Variants in HERC3 observed in about 807,000 individuals in gnomAD.
The protein encoded by HERC3 is HECT and RLD domain containing E3 ubiquitin protein ligase 3.
HERC3 carries 58 observed loss-of-function variants against 129.9 expected under a neutral mutation model. The observed-to-expected ratio is 0.45, with a 90% CI of 0.36 to 0.56. HERC3 has a LOEUF of 0.56. HERC3 is among the 20% of genes least tolerant of loss of function. The pLI, the probability that HERC3 is intolerant of heterozygous loss-of-function variation, is 0.00. For synonymous variants in HERC3, 430 were observed against 451.0 expected, an observed-to-expected ratio of 0.95 and a Z score of 0.59; for missense variants, 835 against 1,244.2, an observed-to-expected ratio of 0.67 and a Z score of 4.95.
chr4:88,658,875 G>T (rs1215320487), intron 10 of HERC3, among the ~76,000 whole-genome samples: 1 of 152,154 alleles, frequency 6.6e-6, no homozygotes, highest in African/African-American at 2.4e-5. Flanking sequence ...TTCTTTGTTT[G>T]ATGTGATTGA....
chr4:88,579,780 G>A, the HERC3 span, among the ~76,000 whole-genome samples: 5 of 152,156 alleles, frequency 3.3e-5, no homozygotes, highest in South Asian at 6.2e-4. Context: ...GAGATAAGGA[G>A]ACTATCTTGG....
At chr4:88,591,043 C>A (rs1240445561), upstream of HERC3, among the ~76,000 whole-genome samples, 1 of 152,082 alleles carries the variant, frequency 6.6e-6, no homozygotes, top group Non-Finnish European at 1.5e-5. Flanking sequence ...GCGCACACCA[C>A]CCTACTCGGC....
At chr4:88,601,507 T>C (rs1159637033) in intron 2 of HERC3, among the ~76,000 whole-genome samples, 1 of 152,244 alleles carries the variant, frequency 6.6e-6, no homozygotes, top group East Asian at 1.9e-4. Context: ...TTGACAGTTC[T>C]CTCCTGTAGA....
At position 88,617,200 on chromosome 4, in the gene HERC3, A is replaced by AAT. The variant is rs1423791287; in HGVS notation, c.226+11152_226+11153insTA. Among the ~76,000 whole-genome samples the AAT allele has an allele frequency of 1.1e-3, 158 of 145,660 alleles. 4 individuals carry two copies. Among genetic ancestry groups the AAT allele is most frequent in the Middle Eastern group, 3.6e-3 (1 of 276 alleles). ...CAAAAAAAAAAAAAAAAAAAAAAAA[A>AAT]AGAAATTGAGAACCTTCTCTGAGGA... On this transcript the variant is annotated intron_variant, in intron 3 of 25. Coordinates refer to ENST00000402738, the MANE Select transcript of HERC3 (RefSeq NM_014606.3).
intron 23 of HERC3, chr4:88,696,030 C>G (rs1418609962): frequency 6.6e-6 from 1 of 152,608 alleles, no homozygotes; most frequent in Non-Finnish European, 1.5e-5. Flanking sequence ...AGCTAAGAGT[C>G]TTTACATTAA....
At chr4:88,599,410 A>G (rs926782199) in intron 2 of HERC3, among the ~76,000 whole-genome samples, 1 of 152,044 alleles carries the variant, frequency 6.6e-6, no homozygotes. Flanking sequence ...CCAATTGAAG[A>G]TTCCATTACT....
intron 7 of HERC3, among the ~76,000 whole-genome samples, 169 bp downstream of exon 7, chr4:88,654,302 T>C (rs562334874): frequency 6.7e-6 from 1 of 148,624 alleles, no homozygotes; most frequent in East Asian, 2.0e-4. Context: ...AAAAGACTAC[T>C]TTTTTGTATG....
intron 3 of HERC3, among the ~76,000 whole-genome samples, chr4:88,620,769 C>T (rs1725426843): frequency 6.6e-6 from 1 of 152,066 alleles, no homozygotes; most frequent in Non-Finnish European, 1.5e-5. Context: ...TTCATTGGTC[C>T]CTCCTCAGAG....
the HERC3 span, among the ~76,000 whole-genome samples, chr4:88,567,811 T>C: frequency 1.3e-5 from 2 of 152,186 alleles, no homozygotes; most frequent in African/African-American, 2.4e-5. Context: ...ATTTAGTTTG[T>C]TTGGTGAGGT....
chr4:88,536,474 C>G, the HERC3 span, among the ~76,000 whole-genome samples: 2 of 152,304 alleles, frequency 1.3e-5, no homozygotes, highest in South Asian at 4.1e-4. Flanking sequence ...CTCACTCACT[C>G]ACTCTTATTA....
intron 3 of HERC3, among the ~76,000 whole-genome samples, chr4:88,606,291 G>A (rs553015484): frequency 3.4e-5 from 5 of 146,822 alleles, no homozygotes; most frequent in East Asian, 2.0e-4. Context: ...TCGCTCCGTC[G>A]CCCAGGCTTG....
the HERC3 span, among the ~76,000 whole-genome samples, chr4:88,548,793 T>C: frequency 6.6e-6 from 1 of 151,948 alleles, no homozygotes; most frequent in Non-Finnish European, 1.5e-5. Context: ...TCCAAGTAGC[T>C]GGGACTACAG....
At chr4:88,596,522 C>G (rs761294944) in intron 2 of HERC3, among the ~76,000 whole-genome samples, 2 of 152,204 alleles carry the variant, frequency 1.3e-5, no homozygotes, top group Non-Finnish European at 2.9e-5. Flanking sequence ...TTGTACTCTG[C>G]TGAGAATGGA....
chr4:88,667,975 A>G lies in HERC3; in HGVS notation c.1527A>G (p.Ile509Met). ...PDVEAMRIYL[I>M]LPEFPLLQDS... ...TTGAAGCCATGAGAATCTATTTAAT[A>G]CTACCTGAGTTTCCCCTACTCCAGG... Residue 509 changes from isoleucine (I) to methionine (M), a missense_variant, in exon 14 of 26, where the codon ATA becomes ATG. By Grantham distance (10) the Ile-to-Met change is conservative. Transcript: ENST00000402738. 2.5e-6 allele frequency: 4 copies of G among 1,612,566 alleles called. No individual in the cohort carries two copies. Among genetic ancestry groups the G allele is most frequent in the African/African-American group, 1.3e-5 (1 of 75,010 alleles).
intron 3 of HERC3, among the ~76,000 whole-genome samples, chr4:88,635,830 G>A (rs1727322259): frequency 6.6e-6 from 1 of 152,164 alleles, no homozygotes; most frequent in African/African-American, 2.4e-5. Flanking sequence ...CCAGAAGAGA[G>A]TGGGGGTCAA....
At chr4:88,706,364 G>T (rs1389172524) in intron 25 of HERC3, among the ~76,000 whole-genome samples, 1 of 152,160 alleles carries the variant, frequency 6.6e-6, no homozygotes, top group East Asian at 1.9e-4. Context: ...ACGTGGAAAG[G>T]AGAGCAAATA....
At chr4:88,697,227 C>T in intron 23 of HERC3, 2 of 1,523,140 alleles carry the variant, frequency 1.3e-6, no homozygotes, top group Non-Finnish European at 1.8e-6. Context: ...CGTCATCAGG[C>T]ATCTCGGCGT....
chr4:88,687,888 A>G (rs1733647003), intron 23 of HERC3, among the ~76,000 whole-genome samples: 1 of 150,576 alleles, frequency 6.6e-6, no homozygotes, highest in Non-Finnish European at 1.5e-5. Flanking sequence ...TTAACTCTTT[A>G]GAGGAGAGAA....
At chr4:88,595,837 A>ATTTTTTT in intron 2 of HERC3, among the ~76,000 whole-genome samples, 1 of 140,374 alleles carries the variant, frequency 7.1e-6, no homozygotes. Flanking sequence ...TCAAGCACTT[A>ATTTTTTT]ATTCTTTTTT....
Sources: allele counts gnomAD v4.1 joint callset (sites outside exome capture counted in the v4.1 genomes callset), GRCh38; gene constraint gnomAD v4.1.1; transcripts MANE v1.5; gene names NCBI Gene and HGNC (gene_info 2026-07-23, HGNC 2026-07-21).